The following ABTB3 variants were observed in gnomAD, a reference collection of about 807,000 sequenced individuals.
ABTB3 encodes ankyrin repeat and BTB domain containing 3, also known as ankyrin repeat- and BTB/POZ domain-containing protein 3.
the ABTB3 span, among the ~76,000 whole-genome samples, chr12:107,424,881 G>GA: frequency 6.6e-6 from 1 of 152,164 alleles, no homozygotes; most frequent in Admixed American, 6.5e-5. Flanking sequence ...GGCCACGCCT[G>GA]TTAGGTTTGC....
At chr12:107,581,072 C>T in the ABTB3 span, 4 of 1,540,204 alleles carry the variant, frequency 2.6e-6, no homozygotes, top group Non-Finnish European at 3.5e-6. Context: ...TCCCCGCGAG[C>T]AGGGGGTGGG....
the ABTB3 span, among the ~76,000 whole-genome samples, chr12:107,404,731 T>G: frequency 6.6e-6 from 1 of 152,178 alleles, no homozygotes; most frequent in African/African-American, 2.4e-5. Context: ...GCTTTTTCAC[T>G]GCCACAGCCT....
chr12:107,640,829 T>C, the ABTB3 span, among the ~76,000 whole-genome samples: 1 of 152,246 alleles, frequency 6.6e-6, no homozygotes, highest in African/African-American at 2.4e-5. Context: ...AGTAGTATCA[T>C]GTAACAATAG....
At chr12:107,485,302 C>T in the ABTB3 span, among the ~76,000 whole-genome samples, 1 of 152,166 alleles carries the variant, frequency 6.6e-6, no homozygotes, top group Admixed American at 6.5e-5. Context: ...TGAAAGTTGT[C>T]ATTGTCCTCC....
chr12:107,470,158 C>A, the ABTB3 span, among the ~76,000 whole-genome samples: 1 of 151,588 alleles, frequency 6.6e-6, no homozygotes. Flanking sequence ...CATGCCTCAG[C>A]CTCCCAAATA....
At chr12:107,546,491 G>T in the ABTB3 span, among the ~76,000 whole-genome samples, 2 of 152,202 alleles carry the variant, frequency 1.3e-5, no homozygotes, top group African/African-American at 4.8e-5. Flanking sequence ...TGCATCGTGA[G>T]ATTTCTTTAT....
At chr12:107,384,355 A>G in the ABTB3 span, among the ~76,000 whole-genome samples, 1 of 152,324 alleles carries the variant, frequency 6.6e-6, no homozygotes, top group East Asian at 1.9e-4. Flanking sequence ...ACCATTTCTA[A>G]CGAGGAGCAA....
the ABTB3 span, among the ~76,000 whole-genome samples, chr12:107,550,918 C>T: frequency 5.9e-5 from 9 of 152,140 alleles, no homozygotes; most frequent in African/African-American, 1.9e-4. Flanking sequence ...AAATAACCCA[C>T]AAGTGAATCA....
chr12:107,432,895 G>A, the ABTB3 span, among the ~76,000 whole-genome samples: 704 of 152,226 alleles, frequency 4.6e-3, 5 homozygotes, highest in Non-Finnish European at 6.9e-3. Context: ...ACGAGATTGT[G>A]TTGTGAAAAG....
chr12:107,482,287 C>T, the ABTB3 span, among the ~76,000 whole-genome samples: 1 of 152,162 alleles, frequency 6.6e-6, no homozygotes, highest in Admixed American at 6.5e-5. Context: ...TCCAAAGGAT[C>T]TACCCATGGT....
chr12:107,429,249 A>C, the ABTB3 span, among the ~76,000 whole-genome samples: 1 of 152,096 alleles, frequency 6.6e-6, no homozygotes, highest in South Asian at 2.1e-4. Context: ...AATGGGTAGG[A>C]CCAACTGCCA....
At chr12:107,556,752 T>C in the ABTB3 span, among the ~76,000 whole-genome samples, 1 of 152,130 alleles carries the variant, frequency 6.6e-6, no homozygotes, top group Non-Finnish European at 1.5e-5. Flanking sequence ...GGTTCACGCC[T>C]GTAATCTCAG....
At chr12:107,610,239 G>A in the ABTB3 span, 13 of 1,614,018 alleles carry the variant, frequency 8.1e-6, no homozygotes, top group Middle Eastern at 1.6e-4. Context: ...GGTGGCCATC[G>A]AAGCCAAGTT....
the ABTB3 span, among the ~76,000 whole-genome samples, chr12:107,395,668 C>A: frequency 6.6e-6 from 1 of 152,200 alleles, no homozygotes; most frequent in Admixed American, 6.5e-5. Context: ...GGACTCCCAA[C>A]TTGGCCACGC....
chr12:107,406,504 G>C, the ABTB3 span, among the ~76,000 whole-genome samples: 2 of 151,688 alleles, frequency 1.3e-5, no homozygotes, highest in African/African-American at 4.8e-5. Flanking sequence ...CCAGGACTCG[G>C]AGTCTGGTTG....
At chr12:107,477,199 C>T in the ABTB3 span, among the ~76,000 whole-genome samples, 71 of 152,294 alleles carry the variant, frequency 4.7e-4, 1 homozygote, top group Middle Eastern at 3.4e-3. Context: ...GACCCTGTGA[C>T]GGAAGTAAGG....
the ABTB3 span, among the ~76,000 whole-genome samples, chr12:107,376,523 G>A: frequency 1.3e-5 from 2 of 152,126 alleles, no homozygotes; most frequent in African/African-American, 4.8e-5. Flanking sequence ...AGTTCAGAAG[G>A]AAAGCAGACC....
the ABTB3 span, among the ~76,000 whole-genome samples, chr12:107,491,799 G>A: frequency 6.7e-6 from 1 of 150,264 alleles, no homozygotes; most frequent in East Asian, 1.9e-4. Context: ...CTCCAGCCTG[G>A]GCAACAGAGT....
the ABTB3 span, chr12:107,657,372 T>C: frequency 1.4e-6 from 1 of 736,258 alleles, no homozygotes; most frequent in South Asian, 1.7e-5. Context: ...ACCCCATGGG[T>C]GTGTGCTGGG....
Sources: gnomAD v4.1 joint callset for allele counts (sites outside exome capture counted in the v4.1 genomes callset) on GRCh38, gnomAD v4.1.1 for gene constraint, MANE v1.5 for transcripts, NCBI Gene and HGNC (gene_info 2026-07-23, HGNC 2026-07-21) for gene names.